The following CLMN variants were observed in gnomAD, a reference collection of about 807,000 sequenced individuals.
The protein encoded by CLMN is calmin.
In CLMN, 57 loss-of-function variants were observed where a neutral mutation model predicts 92.7. The observed-to-expected ratio is 0.61, with a 90% CI of 0.50 to 0.77. CLMN has a LOEUF of 0.77. Ranked by LOEUF, CLMN falls within the 30% of genes least tolerant of loss-of-function variation. The pLI is 0.00. For synonymous variants in CLMN, 466 were observed against 470.6 expected (o/e 0.99, Z 0.13); for missense variants, 1,158 against 1,237.5 (o/e 0.94, Z 0.96).
rs1222175877 is a variant in CLMN at position 95,319,326 on chromosome 14, CA to C, written c.82+384del. Among the ~76,000 whole-genome samples, 924 of 151,892 alleles carry C rather than the reference CA, an allele frequency of 6.1e-3. 12 individuals are homozygous for C. Among genetic ancestry groups the C allele is most frequent in the African/African-American group, 0.02 (820 of 41,244 alleles). ...ACTCACACACACACACACACACACA[CA>C]CACACACACACACAGAGTCGCACTG... On this transcript the variant is annotated intron_variant, in intron 1 of 12. Coordinates refer to ENST00000298912, the MANE Select transcript of CLMN (RefSeq NM_024734.4).
intron 1 of CLMN, among the ~76,000 whole-genome samples, chr14:95,257,115 C>A (rs896680192): frequency 6.6e-6 from 1 of 152,184 alleles, no homozygotes; most frequent in Non-Finnish European, 1.5e-5. Context: ...GGCCCATTAT[C>A]CATAAAGCTT....
chr14:95,204,117 C>T lies in CLMN; in HGVS notation c.1232G>A (p.Arg411Lys). 6.2e-7 allele frequency: 1 copy of T among 1,614,166 alleles called. No individual in the cohort carries two copies. The highest frequency in any genetic ancestry group is 8.5e-7 in the Non-Finnish European group (1 of 1,180,044). The change falls in exon 9 of 13, where the codon AGA (arginine) becomes AAA (lysine). Residue 411 changes from arginine to lysine, a missense_variant. Physicochemically the swap from Arg to Lys is conservative, Grantham distance 26. Coordinates refer to ENST00000298912, the MANE Select transcript of CLMN (RefSeq NM_024734.4). The part of the protein sequence containing the change: ...PSPESSILSS[R>K]KENGRSNSLP... Reference sequence around the variant, plus strand: ...AGAGTTGGACCTCCCGTTCTCCTTTCTGGATGATAAAATGGAGGATTCTGG... The same window carrying T: ...AGAGTTGGACCTCCCGTTCTCCTTTTTGGATGATAAAATGGAGGATTCTGG...
chr14:95,230,435 A>C (rs2140634539), intron 1 of CLMN, among the ~76,000 whole-genome samples: 1 of 152,350 alleles, frequency 6.6e-6, no homozygotes, highest in East Asian at 1.9e-4. Context: ...GAAGCACTGG[A>C]GACAAAACTA....
chr14:95,207,282 T>G (rs889996614), intron 8 of CLMN, among the ~76,000 whole-genome samples: 17 of 152,314 alleles, frequency 1.1e-4, no homozygotes, highest in East Asian at 5.8e-4. Flanking sequence ...ATATTATTCT[T>G]TCTTTCTTTT....
At chr14:95,245,208 T>TTA (rs1225641854) in intron 1 of CLMN, among the ~76,000 whole-genome samples, 542 of 19,750 alleles carry the variant, frequency 0.027, 18 homozygotes, top group Middle Eastern at 0.042. Context: ...TATATATATA[T>TTA]TATATATATA....
intron 1 of CLMN, among the ~76,000 whole-genome samples, chr14:95,249,446 G>A (rs1221204102): frequency 2.6e-5 from 4 of 152,178 alleles, no homozygotes; most frequent in African/African-American, 7.2e-5. Flanking sequence ...TGGGAAGAAG[G>A]TGAGTCATGT....
rs1054634569 is a variant in CLMN at position 95,186,175 on chromosome 14, C to G, written c.*5389G>C. ...TCAGTTTTTCATCTCTTAAATGAGG[C>G]ACTGAACGCTTACATAATTCCTGAG... On this transcript the variant is annotated 3_prime_UTR_variant, in exon 13 of 13. Coordinates refer to ENST00000298912, the MANE Select transcript of CLMN (RefSeq NM_024734.4). The G allele has an allele frequency of 1.3e-5, 2 of 152,220 alleles. No individual in the cohort carries two copies. The highest frequency in any genetic ancestry group is 2.1e-4 in the South Asian group (1 of 4,834). The allele number at this position is 152,220 out of a possible 1,614,324, so 9.4% of individuals were successfully genotyped here. A position where few individuals can be genotyped will look rare whatever the true frequency, so the allele number is the denominator to read the frequency against.
At chr14:95,206,662 G>T (rs1897054318) in intron 8 of CLMN, among the ~76,000 whole-genome samples, 1 of 152,244 alleles carries the variant, frequency 6.6e-6, no homozygotes, top group African/African-American at 2.4e-5. Context: ...GATGTAAATA[G>T]ACTGTTCTGC....
chr14:95,222,780 G>A (rs1897590484), intron 3 of CLMN, among the ~76,000 whole-genome samples: 1 of 152,332 alleles, frequency 6.6e-6, no homozygotes, highest in African/African-American at 2.4e-5. Context: ...GGTATCTTGT[G>A]TTTTGCCATT....
At chr14:95,271,523 T>G (rs1371691456) in intron 1 of CLMN, among the ~76,000 whole-genome samples, 1 of 152,150 alleles carries the variant, frequency 6.6e-6, no homozygotes, top group Non-Finnish European at 1.5e-5. Context: ...CAAATGATGA[T>G]CACAGAATGA....
rs1304659860 is a variant in CLMN at position 95,293,276 on chromosome 14, CTTTT to C, written c.82+26431_82+26434del. Among the ~76,000 whole-genome samples the C allele has an allele frequency of 5.0e-4, 18 of 36,014 alleles. 1 individual carries two copies. The highest frequency in any genetic ancestry group is 1.1e-3 in the Non-Finnish European group (17 of 15,412). The allele number at this position is 36,014 out of a possible 152,430, so 23.6% of individuals were successfully genotyped here. A position where few individuals can be genotyped will look rare whatever the true frequency, so the allele number is the denominator to read the frequency against. ...TCCCTCCTTCCCTCCCTCCCTCCTT[CTTTT>C]CCTCCCTCCCTCCTTCCTTCCCTCC... On this transcript the variant is annotated intron_variant, in intron 1 of 12. Transcript: ENST00000298912.
At chr14:95,283,809 C>T (rs1332144940) in intron 1 of CLMN, among the ~76,000 whole-genome samples, 14 of 152,118 alleles carry the variant, frequency 9.2e-5, no homozygotes, top group Admixed American at 8.5e-4. Context: ...ATAAGGGAAG[C>T]AGAGCATAAA....
At chr14:95,243,135 C>T (rs910935746) in intron 1 of CLMN, among the ~76,000 whole-genome samples, 3 of 152,124 alleles carry the variant, frequency 2.0e-5, no homozygotes, top group Non-Finnish European at 2.9e-5. Flanking sequence ...TTTGCCAAAC[C>T]CTGCTGTAGA....
intron 9 of CLMN, among the ~76,000 whole-genome samples, chr14:95,201,566 CTT>C (rs57205690): frequency 1.0e-4 from 14 of 139,596 alleles, no homozygotes; most frequent in Admixed American, 2.1e-4. Context: ...CTTTTTTTTC[CTT>C]TTTTTTTTTT....
intron 1 of CLMN, among the ~76,000 whole-genome samples, chr14:95,300,372 C>T (rs555688417): frequency 6.6e-6 from 1 of 152,328 alleles, no homozygotes; most frequent in African/African-American, 2.4e-5. Flanking sequence ...TTAAAAGAAG[C>T]AAATCACAGA....
chr14:95,286,246 T>A (rs1397643802), intron 1 of CLMN, among the ~76,000 whole-genome samples: 1 of 152,124 alleles, frequency 6.6e-6, no homozygotes, highest in Non-Finnish European at 1.5e-5. Flanking sequence ...TCCTAGACAA[T>A]GAGGTGGGAA....
chr14:95,245,197 ATATATATATATT>A (rs1898439848), intron 1 of CLMN, among the ~76,000 whole-genome samples: 1 of 33,310 alleles, frequency 3.0e-5, no homozygotes, highest in African/African-American at 1.3e-4. Context: ...TATATATAAT[ATATATATATATT>A]ATATATATAT....
At chr14:95,268,275 G>A (rs896428539) in intron 1 of CLMN, among the ~76,000 whole-genome samples, 4 of 150,936 alleles carry the variant, frequency 2.7e-5, no homozygotes, top group Middle Eastern at 3.5e-3. Flanking sequence ...CACATACCCT[G>A]AAAATATGTG....
At chr14:95,250,669 AG>A (rs1241456161) in intron 1 of CLMN, among the ~76,000 whole-genome samples, 1 of 152,256 alleles carries the variant, frequency 6.6e-6, no homozygotes, top group Non-Finnish European at 1.5e-5. Flanking sequence ...CACATCCTGA[AG>A]AGCTACAGAG....
Sources: gnomAD v4.1 joint callset for allele counts (sites outside exome capture counted in the v4.1 genomes callset) on GRCh38, gnomAD v4.1.1 for gene constraint, MANE v1.5 for transcripts, NCBI Gene and HGNC (gene_info 2026-07-23, HGNC 2026-07-21) for gene names.